The following SAXO1 variants were observed in gnomAD, a reference collection of about 807,000 sequenced individuals.
The protein encoded by SAXO1 is 4930500O09Rik.
In SAXO1, 21 loss-of-function variants were observed where a neutral mutation model predicts 17.5. That is an observed-to-expected ratio of 1.20 (90% CI 0.85 to 1.72). SAXO1 has a LOEUF of 1.72. Among genes scored for constraint, SAXO1 ranks in the 40% most tolerant of loss-of-function variants. The pLI, the probability that SAXO1 is intolerant of heterozygous loss-of-function variation, is 0.00. For synonymous variants in SAXO1, 274 were observed against 216.5 expected, an observed-to-expected ratio of 1.27 and a Z score of -2.33; for missense variants, 843 against 596.0, an observed-to-expected ratio of 1.41 and a Z score of -4.32.
chr9:19,008,441 AC>A (rs1344350959), intron 1 of SAXO1, among the ~76,000 whole-genome samples: 9 of 152,272 alleles, frequency 5.9e-5, no homozygotes, highest in Non-Finnish European at 8.8e-5. Flanking sequence ...GATTGAACTG[AC>A]CTTTACTTTC....
chr9:18,982,977 T>A (rs953927664), intron 1 of SAXO1, among the ~76,000 whole-genome samples: 1 of 151,768 alleles, frequency 6.6e-6, no homozygotes, highest in Non-Finnish European at 1.5e-5. Flanking sequence ...GGCACCTAAA[T>A]CAGCAGAGGA....
intron 1 of SAXO1, among the ~76,000 whole-genome samples, chr9:19,045,408 C>G (rs1178595152): frequency 6.8e-6 from 1 of 146,046 alleles, no homozygotes; most frequent in Non-Finnish European, 1.5e-5. Flanking sequence ...TTGTCCGTCT[C>G]TCATCTAAGA....
At chr9:19,001,737 T>C (rs1834278938) in intron 1 of SAXO1, among the ~76,000 whole-genome samples, 1 of 150,912 alleles carries the variant, frequency 6.6e-6, no homozygotes, top group Non-Finnish European at 1.5e-5. Context: ...CTGAGACACA[T>C]TTAAAGCAGT....
chr9:18,941,470 T>A (rs1005724911), intron 3 of SAXO1, among the ~76,000 whole-genome samples, 167 bp downstream of exon 3: 10 of 152,216 alleles, frequency 6.6e-5, no homozygotes, highest in Non-Finnish European at 1.3e-4. Context: ...TGCTTAACTC[T>A]TCTTAGCTCT....
intron 1 of SAXO1, chr9:19,027,131 C>G: frequency 9.5e-7 from 1 of 1,057,076 alleles, no homozygotes; most frequent in Non-Finnish European, 1.5e-6. Flanking sequence ...TCATCGAGCT[C>G]CTGGATGTTG....
chr9:18,983,624 A>G (rs1045219415), intron 1 of SAXO1, among the ~76,000 whole-genome samples: 1 of 152,232 alleles, frequency 6.6e-6, no homozygotes, highest in Non-Finnish European at 1.5e-5. Context: ...ATGAGAGTGC[A>G]GTAATTTATG....
chr9:18,952,312 T>C (rs10757008), intron 1 of SAXO1, among the ~76,000 whole-genome samples: 82,590 of 152,014 alleles, frequency 0.54, 24,858 homozygotes, highest in Non-Finnish European at 0.67. Context: ...ATCACAGAAA[T>C]TAAAATGCAA....
At chr9:19,001,718 C>T (rs1404419623) in intron 1 of SAXO1, among the ~76,000 whole-genome samples, 1 of 151,134 alleles carries the variant, frequency 6.6e-6, no homozygotes, top group Non-Finnish European at 1.5e-5. Context: ...ACACAACGTA[C>T]CAGAATATCT....
intron 1 of SAXO1, among the ~76,000 whole-genome samples, chr9:18,953,138 T>C (rs1010785831): frequency 2.6e-5 from 4 of 152,194 alleles, no homozygotes; most frequent in African/African-American, 4.8e-5. Flanking sequence ...CTACCAAAAA[T>C]ACCTCTGCAT....
At chr9:18,986,428 T>C (rs1278666106) in intron 1 of SAXO1, among the ~76,000 whole-genome samples, 3 of 152,178 alleles carry the variant, frequency 2.0e-5, no homozygotes, top group Non-Finnish European at 4.4e-5. Flanking sequence ...ATTTTCAAAA[T>C]GTAGTAAATG....
intron 1 of SAXO1, among the ~76,000 whole-genome samples, chr9:18,975,224 AG>A (rs1833095871): frequency 1.4e-4 from 1 of 7,230 alleles, no homozygotes; most frequent in South Asian, 3.1e-3. Context: ...GGAAGCAGGG[AG>A]AGTGCAGGCT....
At chr9:18,953,331 T>C (rs576797617) in intron 1 of SAXO1, among the ~76,000 whole-genome samples, 11 of 152,184 alleles carry the variant, frequency 7.2e-5, no homozygotes, top group African/African-American at 2.6e-4. Flanking sequence ...TTGTTACTTT[T>C]AAAAAATGTA....
At position 18,928,401 on chromosome 9, in the gene SAXO1, G is replaced by C; in HGVS notation, c.1076C>G (p.Pro359Arg). The C allele has an allele frequency of 6.2e-7, 1 of 1,610,674 alleles. No homozygotes were observed. Among genetic ancestry groups the C allele is most frequent in the Non-Finnish European group, 8.5e-7 (1 of 1,178,278 alleles). ...SMRTEPVKPV[P>R]QLDLPTEPLD... is the part of the protein sequence containing the mutation. Reference sequence around the variant, plus strand: ...GGGCTCGGTGGGCAAGTCCAGCTGGGGAACGGGCTTGACTGGCTCTGTGCG... The same window carrying C: ...GGGCTCGGTGGGCAAGTCCAGCTGGCGAACGGGCTTGACTGGCTCTGTGCG... The change falls in exon 4 of 4, where the codon CCC becomes CGC. Residue 359 changes from proline (P) to arginine (R), a missense_variant. Transcript: ENST00000380534.
At position 19,011,836 on chromosome 9, in the gene SAXO1, T is replaced by C. The variant is rs116091542; in HGVS notation, c.38+21035A>G. Among the ~76,000 whole-genome samples the C allele has an allele frequency of 2.3e-3, 337 of 148,938 alleles. 4 individuals are homozygous for C. The highest frequency in any genetic ancestry group is 8.2e-3 in the African/African-American group (331 of 40,610). ...TTACTAAACCATTTCAATTTTACCATTATTAAGCATAGATTTTTTTTTTTT... is the reference window on the plus strand; with the variant it reads ...TTACTAAACCATTTCAATTTTACCACTATTAAGCATAGATTTTTTTTTTTT... On this transcript the variant is annotated intron_variant, in intron 1 of 3. Coordinates refer to ENST00000380534, the MANE Select transcript of SAXO1 (RefSeq NM_153707.4).
At chr9:18,964,129 T>C (rs1011683396) in intron 1 of SAXO1, among the ~76,000 whole-genome samples, 1 of 152,182 alleles carries the variant, frequency 6.6e-6, no homozygotes, top group Non-Finnish European at 1.5e-5. Context: ...GCTGACTTGA[T>C]TGTGGTGGAT....
intron 3 of SAXO1, among the ~76,000 whole-genome samples, chr9:18,931,515 T>C (rs1269634535): frequency 6.6e-6 from 1 of 152,228 alleles, no homozygotes; most frequent in South Asian, 2.1e-4. Flanking sequence ...TCATTTCTCT[T>C]GGGTAGATAA....
At chr9:19,020,022 TA>T (rs368560199) in intron 1 of SAXO1, among the ~76,000 whole-genome samples, 2,330 of 141,312 alleles carry the variant, frequency 0.016, 37 homozygotes, top group African/African-American at 0.047. Flanking sequence ...CAGGTATTAT[TA>T]AAAAAAAAAA....
Position 18,950,839 on chromosome 9 carries a change from G to A in SAXO1, c.137C>T (p.Ser46Phe), listed in dbSNP as rs201872237. Reference protein sequence around the residue: ...EYTENYPFYHSYLPRESFKPR... With the variant: ...EYTENYPFYHFYLPRESFKPR... ...CTTGAAGGACTCTCTGGGCAGGTAG[G>A]AGTGATAGAAAGGGTAGTTCTCGGT... is the stretch of plus-strand genomic sequence containing the variant. The change falls in exon 2 of 4, where the codon TCC (serine) becomes TTC (phenylalanine). Residue 46 changes from serine (S) to phenylalanine (F), a missense_variant. Transcript: ENST00000380534. 1.9e-5 allele frequency: 31 copies of A among 1,613,830 alleles called. No homozygotes were observed. Among genetic ancestry groups the A allele is most frequent in the Admixed American group, 6.7e-5 (4 of 60,014 alleles).
At chr9:18,969,894 G>A (rs368200739) in intron 1 of SAXO1, among the ~76,000 whole-genome samples, 3 of 152,228 alleles carry the variant, frequency 2.0e-5, no homozygotes, top group Non-Finnish European at 2.9e-5. Context: ...CAATATCATA[G>A]AACAGTCCAT....
Sources: allele counts gnomAD v4.1 joint callset (sites outside exome capture counted in the v4.1 genomes callset), GRCh38; gene constraint gnomAD v4.1.1; transcripts MANE v1.5; gene names NCBI Gene and HGNC (gene_info 2026-07-23, HGNC 2026-07-21).